Variants in PPFIBP1 observed in about 807,000 individuals in gnomAD.
PPFIBP1 encodes the protein liprin-beta-1.
Under a neutral mutation model 137.8 loss-of-function variants are expected in PPFIBP1, and 112 were observed. The observed-to-expected ratio is 0.81, with a 90% confidence interval of 0.70 to 0.95. PPFIBP1 has a LOEUF of 0.95. PPFIBP1 is among the 40% of genes least tolerant of loss of function. The pLI is 0.00. For missense variants in PPFIBP1, 1,083 were observed against 1,196.6 expected, an observed-to-expected ratio of 0.91 and a Z score of 1.40; for synonymous variants, 378 against 417.3, an observed-to-expected ratio of 0.91 and a Z score of 1.15.
intron 1 of PPFIBP1, among the ~76,000 whole-genome samples, chr12:27,562,633 A>T (rs1284208892): frequency 6.6e-6 from 1 of 152,168 alleles, no homozygotes; most frequent in Non-Finnish European, 1.5e-5. Context: ...ATTACTACTA[A>T]GTCACTCTTT....
At chr12:27,688,181 A>G in intron 25 of PPFIBP1, 117 bp from the exon 26 acceptor site, 1 of 1,189,138 alleles carries the variant, frequency 8.4e-7, no homozygotes, top group Non-Finnish European at 1.2e-6. Context: ...TTAAAAGAGA[A>G]TTTTTCCCTT....
At chr12:27,554,057 A>G (rs1005113083) in intron 1 of PPFIBP1, among the ~76,000 whole-genome samples, 6 of 152,258 alleles carry the variant, frequency 3.9e-5, no homozygotes, top group South Asian at 2.1e-4. Context: ...GCTGCTTGAC[A>G]GCACCCATCT....
At chr12:27,691,175 A>G (rs2061517680) in intron 27 of PPFIBP1, among the ~76,000 whole-genome samples, 1 of 150,290 alleles carries the variant, frequency 6.7e-6, no homozygotes, top group African/African-American at 2.5e-5. Flanking sequence ...GCCTCACCCA[A>G]AGAAAAAATA....
intron 13 of PPFIBP1, among the ~76,000 whole-genome samples, chr12:27,670,872 C>T (rs920463825): frequency 6.6e-6 from 1 of 151,484 alleles, no homozygotes; most frequent in African/African-American, 2.4e-5. Flanking sequence ...TTGCAACCTG[C>T]AGGGGTAGGC....
chr12:27,681,817 AG>A (rs1425486963), intron 22 of PPFIBP1, 121 bp downstream of exon 22: 8 of 1,188,594 alleles, frequency 6.7e-6, no homozygotes, highest in African/African-American at 1.5e-5. Context: ...TGTAAACAAA[AG>A]TTTGGGTTTT....
At chr12:27,687,561 T>TC (rs1160681900) in intron 25 of PPFIBP1, 54 bp downstream of exon 25, 1 of 1,552,570 alleles carries the variant, frequency 6.4e-7, no homozygotes, top group East Asian at 2.3e-5. Flanking sequence ...CATGGGACTG[T>TC]CCATGTGTCG....
intron 1 of PPFIBP1, among the ~76,000 whole-genome samples, chr12:27,543,515 C>A (rs1945885312): frequency 6.6e-6 from 1 of 152,020 alleles, no homozygotes; most frequent in African/African-American, 2.4e-5. Context: ...ATGGTTTTTT[C>A]ATTTTTTCCA....
intron 2 of PPFIBP1, among the ~76,000 whole-genome samples, chr12:27,608,075 C>G (rs1353325966): frequency 1.3e-5 from 2 of 152,128 alleles, no homozygotes. Context: ...CAATGACTCT[C>G]CAGCTTAACA....
chr12:27,672,615 A>G (rs1406954711), intron 15 of PPFIBP1, 132 bp downstream of exon 15: 2 of 696,244 alleles, frequency 2.9e-6, no homozygotes, highest in African/African-American at 1.8e-5. Context: ...CAATGTAGCT[A>G]TAATAATTGG....
intron 13 of PPFIBP1, among the ~76,000 whole-genome samples, chr12:27,669,508 A>G (rs556230172): frequency 7.9e-5 from 12 of 152,358 alleles, no homozygotes; most frequent in African/African-American, 2.9e-4. Context: ...GAGGGAGTTC[A>G]GCGACATTTT....
intron 1 of PPFIBP1, among the ~76,000 whole-genome samples, chr12:27,569,851 G>A (rs147042561): frequency 3.9e-5 from 6 of 152,184 alleles, no homozygotes; most frequent in Admixed American, 2.0e-4. Context: ...GAGCCACCGC[G>A]TCCAGCCTAC....
At chr12:27,688,731 A>C (rs975273571) in intron 26 of PPFIBP1, among the ~76,000 whole-genome samples, 1 of 152,200 alleles carries the variant, frequency 6.6e-6, no homozygotes, top group South Asian at 2.1e-4. Flanking sequence ...AATGTTGCTT[A>C]AGGAGGTGGC....
At chr12:27,608,461 C>T (rs903231120) in intron 2 of PPFIBP1, among the ~76,000 whole-genome samples, 16 of 152,100 alleles carry the variant, frequency 1.1e-4, no homozygotes, top group Admixed American at 7.9e-4. Flanking sequence ...GAATGTTAAG[C>T]GGACTCCCAA....
At chr12:27,630,514 GTC>G (rs1011917298) in intron 2 of PPFIBP1, among the ~76,000 whole-genome samples, 103 of 152,118 alleles carry the variant, frequency 6.8e-4, no homozygotes, top group African/African-American at 2.5e-3. Flanking sequence ...TATATTTAAA[GTC>G]TCTATTAACA....
Position 27,667,294 on chromosome 12 carries a change from C to T in PPFIBP1, c.1120C>T (p.Pro374Ser). The T allele has an allele frequency of 6.2e-7, 1 of 1,607,554 alleles. No homozygotes were observed. The highest frequency in any genetic ancestry group is 8.5e-7 in the Non-Finnish European group (1 of 1,177,858). Reference protein sequence around the residue: ...TPVMGSPSCDPFNTSVPEEFH... With the variant: ...TPVMGSPSCDSFNTSVPEEFH... The stretch of plus-strand genomic sequence containing the variant: ...AGTAATGGGATCTCCCAGTTGTGAC[C>T]CATTTAACACAAGTGTTCCCGAAGA... The change falls in exon 13 of 30, where the codon CCA becomes TCA. Residue 374 changes from proline (P) to serine (S), a missense_variant. By Grantham distance (74) the Pro-to-Ser change is moderately conservative (BLOSUM62 -1). Coordinates refer to ENST00000228425, the MANE Select transcript of PPFIBP1 (RefSeq NM_003622.4).
At chr12:27,674,811 A>AGTTT (rs2060406500) in intron 17 of PPFIBP1, among the ~76,000 whole-genome samples, 1 of 108,706 alleles carries the variant, frequency 9.2e-6, no homozygotes, top group African/African-American at 3.6e-5. Context: ...CTTTCCCCTG[A>AGTTT]TTTTTTTTTT....
intron 1 of PPFIBP1, among the ~76,000 whole-genome samples, chr12:27,570,091 A>G (rs1298295286): frequency 2.0e-5 from 3 of 152,152 alleles, no homozygotes; most frequent in Non-Finnish European, 4.4e-5. Flanking sequence ...GTTTTGGTAT[A>G]TGTAAAATGG....
intron 4 of PPFIBP1, among the ~76,000 whole-genome samples, chr12:27,639,786 A>G (rs1354525028): frequency 6.6e-6 from 1 of 152,202 alleles, no homozygotes; most frequent in Non-Finnish European, 1.5e-5. Flanking sequence ...TATATTTTTA[A>G]AAGTTGCTAT....
rs71039825 is a variant in PPFIBP1 at position 27,598,538 on chromosome 12, CTGTGTGTGTGTGTGTGTGTGTGTGTGTG to C, written c.-36+20311_-36+20338del. Among the ~76,000 whole-genome samples, 4 of 150,840 alleles carry C rather than the reference CTGTGTGTGTGTGTGTGTGTGTGTGTGTG, an allele frequency of 2.7e-5. No homozygotes were observed. In the East Asian group the frequency reaches 7.8e-4, roughly 29 times the overall value. On this transcript the variant is annotated intron_variant, in intron 2 of 29. Transcript: ENST00000228425. ...CCATATCTGATATATTCTCTATAAT[CTGTGTGTGTGTGTGTGTGTGTGTGTGTG>C]TGTGTGTGTGTACACAACTTTGAAA...
Sources: allele counts gnomAD v4.1 joint callset (sites outside exome capture counted in the v4.1 genomes callset), GRCh38; gene constraint gnomAD v4.1.1; transcripts MANE v1.5; gene names NCBI Gene and HGNC (gene_info 2026-07-23, HGNC 2026-07-21).